SVIL: variants seen among roughly 807,000 people sequenced by gnomAD.
SVIL encodes supervillin.
SVIL carries 101 observed loss-of-function variants against 240.4 expected under a neutral mutation model. The observed-to-expected ratio is 0.42, with a 90% CI of 0.36 to 0.50. SVIL has a LOEUF of 0.50. Ranked by LOEUF, SVIL falls within the 20% of genes least tolerant of loss-of-function variation. SVIL has a pLI of 0.01. For synonymous variants in SVIL, 999 were observed against 1,100.0 expected, an observed-to-expected ratio of 0.91 and a Z score of 1.82; for missense variants, 2,512 against 2,818.7, an observed-to-expected ratio of 0.89 and a Z score of 2.46.
At chr10:29,553,954 G>A (rs2132658233) in intron 5 of SVIL, among the ~76,000 whole-genome samples, 1 of 152,278 alleles carries the variant, frequency 6.6e-6, no homozygotes, top group South Asian at 2.1e-4. Flanking sequence ...CTATCTTAGA[G>A]CACAGATCCT....
intron 1 of SVIL, among the ~76,000 whole-genome samples, chr10:29,605,338 C>T (rs1956980082): frequency 6.6e-6 from 1 of 152,160 alleles, no homozygotes; most frequent in African/African-American, 2.4e-5. Flanking sequence ...TCAAATCGCA[C>T]CAGTTTACAT....
At position 29,707,229 on chromosome 10, in the gene SVIL, C is replaced by A. The variant is rs185570833; in HGVS notation, c.-399-20578G>T. On this transcript the variant is annotated intron_variant, in intron 1 of 35. Coordinates refer to the SVIL transcript ENST00000375400. ...CATTGAATCTACAAATTACTTTGGG[C>A]AGTATGGCCATTTTCACGATATTGA... Among the ~76,000 whole-genome samples the A allele has an allele frequency of 2.9e-4, 44 of 152,274 alleles. No individual in the cohort carries two copies. The East Asian group carries it at 8.1e-3, about 28-fold the overall frequency.
intron 2 of SVIL, among the ~76,000 whole-genome samples, chr10:29,563,895 CTTAATACATCTCCCCCATGTATCTGCTT>C (rs201358922): frequency 6.6e-6 from 1 of 151,838 alleles, no homozygotes; most frequent in Non-Finnish European, 1.5e-5. Flanking sequence ...CTTAATACAT[CTTAATACATCTCCCCCATGTATCTGCTT>C]TCCCCCATGT....
chr10:29,492,194 G>C (rs993037765), intron 21 of SVIL, among the ~76,000 whole-genome samples: 2 of 152,072 alleles, frequency 1.3e-5, no homozygotes, highest in African/African-American at 4.8e-5. Context: ...CCTTTACCCA[G>C]TCAGCATCTT....
chr10:29,636,367 A>G (rs1343201497), upstream of SVIL, among the ~76,000 whole-genome samples: 1 of 152,238 alleles, frequency 6.6e-6, no homozygotes, highest in African/African-American at 2.4e-5. Flanking sequence ...AAGAGAAGAT[A>G]GGAGGAGAAA....
At chr10:29,585,631 C>A (rs7913603) in intron 1 of SVIL, among the ~76,000 whole-genome samples, 24,291 of 152,070 alleles carry the variant, frequency 0.16, 2,032 homozygotes, top group Admixed American at 0.23. Context: ...AGCAGCATCT[C>A]AGATGTCATC....
At chr10:29,588,065 T>C (rs971606487) in intron 1 of SVIL, among the ~76,000 whole-genome samples, 5 of 152,066 alleles carry the variant, frequency 3.3e-5, no homozygotes, top group African/African-American at 1.2e-4. Context: ...ATGAATTTCC[T>C]TCAGCTTTTA....
chr10:29,523,676 T>A lies in SVIL; in HGVS notation c.2938A>T (p.Asn980Tyr). 6.2e-7 allele frequency: 1 copy of A among 1,614,152 alleles called. No homozygotes were observed. Among genetic ancestry groups the A allele is most frequent in the Non-Finnish European group, 8.5e-7 (1 of 1,180,006 alleles). The change falls in exon 15 of 38, where the codon AAC (asparagine) becomes TAC (tyrosine). Residue 980 changes from asparagine (N) to tyrosine (Y), a missense_variant. By Grantham distance (143) the Asn-to-Tyr change is moderately radical. This residue lies in a region of SVIL where 1,443 missense variants were observed against 1,486.6 expected (regional missense o/e 0.97). Transcript: ENST00000355867. ...EEAEASYPIL[N>Y]RAREGDSHKE... ...TGGCTGTCTCCTTCCCTGGCTCGGT[T>A]CAGGATGGGGTAGGATGCTTCTGCT...
chr10:29,525,653 A>G (rs1315066825), intron 13 of SVIL, among the ~76,000 whole-genome samples: 1 of 152,176 alleles, frequency 6.6e-6, no homozygotes, highest in Non-Finnish European at 1.5e-5. Context: ...GCTCCCTCCA[A>G]CTTCCAGCTA....
chr10:29,484,329 C>T lies in SVIL; in HGVS notation c.4955+327G>A, dbSNP rs370312231. Among the ~76,000 whole-genome samples the T allele has an allele frequency of 6.7e-4, 102 of 152,242 alleles. 2 individuals are homozygous for T. In the South Asian group the frequency reaches 0.017, roughly 25 times the overall value. The stretch of plus-strand genomic sequence containing the variant: ...CAGACCCGGGGAAGCCTTTCAGATC[C>T]GCATGTAATTTGTTTAAACAATTGC... On this transcript the variant is annotated intron_variant, in intron 27 of 37. Coordinates refer to ENST00000355867, the MANE Select transcript of SVIL (RefSeq NM_021738.3). The surrounding 1 kb of genome is among the most constrained non-coding windows in gnomAD (Gnocchi z 4.7).
rs762707894 is a variant in SVIL, at chr10:29,480,687, C to T, written c.5227G>A (p.Asp1743Asn). The part of the protein sequence containing the change: ...GRGYGLVEGH[D>N]RRQFEITSVS... ...CTGGTGATCTCAAACTGCCTCCTGT[C>T]GTGTCCTTCCACCAGGCCATAGCCA... Residue 1743 changes from aspartate (D) to asparagine (N), a missense_variant, in exon 29 of 38, where the codon GAC (aspartate) becomes AAC (asparagine). This residue lies in a region of SVIL where 797 missense variants were observed against 925.3 expected (regional missense o/e 0.86). Coordinates refer to ENST00000355867, the MANE Select transcript of SVIL (RefSeq NM_021738.3). The T allele has an allele frequency of 5.0e-6, 8 of 1,614,056 alleles. No homozygotes were observed. The highest frequency in any genetic ancestry group is 1.1e-5 in the South Asian group (1 of 91,092).
intron 1 of SVIL, among the ~76,000 whole-genome samples, chr10:29,633,962 C>T (rs1958211503): frequency 6.6e-6 from 1 of 152,078 alleles, no homozygotes; most frequent in Non-Finnish European, 1.5e-5. Context: ...AAAGATTATG[C>T]AAAAGGATCA....
chr10:29,602,983 T>A (rs570668651), intron 1 of SVIL, among the ~76,000 whole-genome samples: 1 of 152,086 alleles, frequency 6.6e-6, no homozygotes, highest in Non-Finnish European at 1.5e-5. Context: ...AGAAACTCCA[T>A]CTCAAAAAAA....
intron 5 of SVIL, among the ~76,000 whole-genome samples, chr10:29,552,277 G>A (rs1344132166): frequency 2.0e-5 from 3 of 151,790 alleles, no homozygotes; most frequent in African/African-American, 7.3e-5. Context: ...TGTTTTCCCA[G>A]CTGGCTCACA....
intron 20 of SVIL, among the ~76,000 whole-genome samples, chr10:29,493,924 C>T (rs1948196845): frequency 6.6e-6 from 1 of 152,122 alleles, no homozygotes; most frequent in Admixed American, 6.5e-5. Context: ...CTTATAATCC[C>T]AGCACTTTGG....
intron 1 of SVIL, among the ~76,000 whole-genome samples, chr10:29,609,138 T>C (rs1348686168): frequency 6.6e-6 from 1 of 152,210 alleles, no homozygotes; most frequent in Non-Finnish European, 1.5e-5. Flanking sequence ...GCCTGCCTTG[T>C]TCACCCAGTT....
At position 29,533,593 on chromosome 10, in the gene SVIL, G is replaced by A. The variant is rs1951535283; in HGVS notation, c.909-135C>T. 2.9e-6 allele frequency: 4 copies of A among 1,401,040 alleles called. No individual in the cohort carries two copies. The Admixed American group carries it at 8.5e-5, about 30-fold the overall frequency. 86.8% of individuals were successfully genotyped at this position (1,401,040 alleles called of 1,614,324 possible). On this transcript the variant is annotated intron_variant, in intron 7 of 37. Transcript: ENST00000355867. ...ATAACTTGTGAAAAAGCATTTTGGT[G>A]TCTAATGTCAACTACTTGTCAGATG...
chr10:29,617,373 C>T (rs762389024), intron 1 of SVIL, among the ~76,000 whole-genome samples: 7 of 151,966 alleles, frequency 4.6e-5, no homozygotes, highest in Non-Finnish European at 7.4e-5. Context: ...ACAAGAGCAT[C>T]GTACTTGTAT....
intron 1 of SVIL, among the ~76,000 whole-genome samples, chr10:29,696,895 G>A (rs1412180691): frequency 2.0e-5 from 3 of 148,380 alleles, no homozygotes; most frequent in Non-Finnish European, 4.5e-5. Context: ...GCCCCTACTG[G>A]GAAGTGAGGA....
Sources: gnomAD v4.1 joint callset for allele counts (sites outside exome capture counted in the v4.1 genomes callset) on GRCh38, gnomAD v4.1.1 for gene constraint, gnomAD v4.1.1 regional missense constraint, Gnocchi (gnomAD v3.1) non-coding constraint, MANE v1.5 for transcripts, NCBI Gene and HGNC (gene_info 2026-07-23, HGNC 2026-07-21) for gene names.